The following SLC25A48 variants were observed in gnomAD, a reference collection of about 807,000 sequenced individuals.
SLC25A48 encodes CTC-321K16.1.
A neutral mutation model predicts 32.2 loss-of-function variants in SLC25A48; 29 were observed. That is an observed-to-expected ratio of 0.90 (90% CI 0.67 to 1.23). SLC25A48 has a LOEUF of 1.23. Among genes scored for constraint, SLC25A48 ranks in the 50% most tolerant of loss-of-function variants. SLC25A48 has a pLI of 0.00. For synonymous variants in SLC25A48, 164 were observed against 172.3 expected, an observed-to-expected ratio of 0.95 and a Z score of 0.38; for missense variants, 399 against 422.7, an observed-to-expected ratio of 0.94 and a Z score of 0.49.
intron 3 of SLC25A48, among the ~76,000 whole-genome samples, chr5:135,791,965 G>A (rs10060930): frequency 2.6e-5 from 4 of 151,484 alleles, no homozygotes; most frequent in African/African-American, 9.7e-5. Context: ...TACACACACG[G>A]TGTACACACT....
chr5:135,755,136 C>T (rs557488631), intron 3 of SLC25A48, among the ~76,000 whole-genome samples: 1 of 150,156 alleles, frequency 6.7e-6, no homozygotes, highest in South Asian at 2.1e-4. Context: ...AATATTGCAG[C>T]GTTATTTATG....
intron 3 of SLC25A48, among the ~76,000 whole-genome samples, chr5:135,697,168 G>A (rs936518666): frequency 3.9e-5 from 6 of 152,214 alleles, no homozygotes; most frequent in African/African-American, 1.2e-4. Flanking sequence ...TAGAAATGAT[G>A]CTGGAATGTG....
At chr5:135,772,532 T>G (rs1044536666) in intron 3 of SLC25A48, among the ~76,000 whole-genome samples, 3 of 151,430 alleles carry the variant, frequency 2.0e-5, no homozygotes, top group African/African-American at 7.3e-5. Context: ...GTACGCCCCC[T>G]ATGATATTGT....
chr5:135,682,547 T>C (rs1377835621), intron 3 of SLC25A48, among the ~76,000 whole-genome samples: 1 of 152,238 alleles, frequency 6.6e-6, no homozygotes, highest in African/African-American at 2.4e-5. Flanking sequence ...GTGCCTTTCC[T>C]TGAAGGATGT....
intron 3 of SLC25A48, among the ~76,000 whole-genome samples, chr5:135,688,370 C>G (rs1023868079): frequency 1.3e-5 from 2 of 151,550 alleles, no homozygotes; most frequent in South Asian, 4.1e-4. Context: ...TATTGGTGTT[C>G]TGATCTCTAG....
chr5:135,620,860 G>A (rs1354113060), intron 1 of SLC25A48, among the ~76,000 whole-genome samples: 1 of 152,126 alleles, frequency 6.6e-6, no homozygotes, highest in Non-Finnish European at 1.5e-5. Context: ...CCCATGGCTA[G>A]GATTGTAGAT....
chr5:135,818,930 GAAA>G (rs1189476489), intron 4 of SLC25A48, among the ~76,000 whole-genome samples: 1 of 151,746 alleles, frequency 6.6e-6, no homozygotes, highest in Non-Finnish European at 1.5e-5. Flanking sequence ...TACGAAATGT[GAAA>G]AAAAATTTTC....
intron 3 of SLC25A48, among the ~76,000 whole-genome samples, chr5:135,798,610 T>C (rs1203015023): frequency 6.6e-6 from 1 of 151,558 alleles, no homozygotes; most frequent in Non-Finnish European, 1.5e-5. Flanking sequence ...ATGATTAATA[T>C]CCCCAAAATT....
intron 2 of SLC25A48, among the ~76,000 whole-genome samples, chr5:135,844,192 G>A (rs1304048003): frequency 6.6e-6 from 1 of 152,212 alleles, no homozygotes; most frequent in Non-Finnish European, 1.5e-5. Flanking sequence ...TGTTCAGAGT[G>A]CACCTCAGCA....
At chr5:135,826,608 C>G (rs1758062705) in intron 4 of SLC25A48, 1 of 152,194 alleles carries the variant, frequency 6.6e-6, no homozygotes, top group Non-Finnish European at 1.5e-5. Context: ...CTTGCAGCTT[C>G]CATTTATTAA....
chr5:135,671,578 C>A (rs917170716), intron 3 of SLC25A48: 1 of 152,158 alleles, frequency 6.6e-6, no homozygotes, highest in Non-Finnish European at 1.5e-5. Context: ...AGCCGAGGGT[C>A]GCTGCTCCCA....
At chr5:135,675,430 A>G (rs148871829) in intron 3 of SLC25A48, among the ~76,000 whole-genome samples, 82 of 151,948 alleles carry the variant, frequency 5.4e-4, no homozygotes, top group Non-Finnish European at 9.9e-4. Flanking sequence ...TGGATATCCA[A>G]TCTTCCTAGC....
chr5:135,640,673 T>A (rs1398894400), intron 3 of SLC25A48, among the ~76,000 whole-genome samples: 1 of 152,064 alleles, frequency 6.6e-6, no homozygotes, highest in African/African-American at 2.4e-5. Flanking sequence ...ATCTCAGAAA[T>A]AGAAGCTTGG....
chr5:135,606,320 G>T (rs559958160), intron 1 of SLC25A48, among the ~76,000 whole-genome samples: 7 of 152,308 alleles, frequency 4.6e-5, no homozygotes, highest in Non-Finnish European at 8.8e-5. Flanking sequence ...CCCCAGAAAT[G>T]ATAATAGTTT....
chr5:135,734,128 G>A (rs1051299984), intron 3 of SLC25A48, among the ~76,000 whole-genome samples: 1 of 152,166 alleles, frequency 6.6e-6, no homozygotes, highest in Non-Finnish European at 1.5e-5. Context: ...ATTGAGCGGG[G>A]TAAGGGTGAT....
At chr5:135,781,607 A>G (rs1234774600) in intron 3 of SLC25A48, among the ~76,000 whole-genome samples, 1 of 116,486 alleles carries the variant, frequency 8.6e-6, no homozygotes, top group Admixed American at 8.8e-5. Flanking sequence ...TATTATTCCT[A>G]ATATCCCCGT....
rs758254230 is a variant in SLC25A48, at chr5:135,580,901, G to A, written c.-849+1304G>A. On this transcript the variant is annotated intron_variant, in intron 1 of 10. Transcript: ENST00000646290. ...TAGCATATTGTGAACATCGCTCCAT[G>A]TGGCTAGCCTTGCTACAACAATAGC... Among the ~76,000 whole-genome samples, 35 of 152,142 alleles carry A rather than the reference G, an allele frequency of 2.3e-4. 1 individual carries two copies. The highest frequency in any genetic ancestry group is 2.0e-3 in the Admixed American group (31 of 15,274).
chr5:135,668,482 C>G (rs1465046628), intron 3 of SLC25A48, among the ~76,000 whole-genome samples: 5 of 152,164 alleles, frequency 3.3e-5, no homozygotes, highest in Non-Finnish European at 7.4e-5. Flanking sequence ...TTAGCAGCTA[C>G]CTGGTGCTAT....
At chr5:135,735,028 G>A (rs1755327891) in intron 3 of SLC25A48, among the ~76,000 whole-genome samples, 1 of 152,146 alleles carries the variant, frequency 6.6e-6, no homozygotes, top group Non-Finnish European at 1.5e-5. Flanking sequence ...TGCCAGGCGA[G>A]TTAGAAAGTC....
Sources: allele counts gnomAD v4.1 joint callset (sites outside exome capture counted in the v4.1 genomes callset), GRCh38; gene constraint gnomAD v4.1.1; transcripts MANE v1.5; gene names NCBI Gene and HGNC (gene_info 2026-07-23, HGNC 2026-07-21).